The following ABCB11 variants were observed in gnomAD, a reference collection of about 807,000 sequenced individuals.
The protein encoded by ABCB11 is ATP binding cassette subfamily B member 11.
ABCB11 carries 95 observed loss-of-function variants against 148.0 expected under a neutral mutation model. The observed-to-expected ratio is 0.64, with a 90% CI of 0.54 to 0.76. The LOEUF is 0.76. ABCB11 is among the 30% of genes least tolerant of loss of function. The probability of loss-of-function intolerance (pLI) is 0.00; values close to 1 mark genes in which losing one functional copy is unlikely to be tolerated. For synonymous variants in ABCB11, 591 were observed against 555.4 expected (o/e 1.06, Z -0.90); for missense variants, 1,523 against 1,617.8 (o/e 0.94, Z 1.01).
At chr2:168,956,111 C>T (rs1007034674) in intron 19 of ABCB11, among the ~76,000 whole-genome samples, 3 of 151,648 alleles carry the variant, frequency 2.0e-5, no homozygotes, top group African/African-American at 7.3e-5. Flanking sequence ...GAAGGGGAAG[C>T]AAGGCATGTC....
chr2:168,981,771 C>A (rs930814732), intron 10 of ABCB11, among the ~76,000 whole-genome samples: 1 of 152,100 alleles, frequency 6.6e-6, no homozygotes. Flanking sequence ...GCTTTTCAGG[C>A]CATATGGGCT....
Position 169,027,231 on chromosome 2 carries a change from T to C in ABCB11, c.-28+3994A>G, listed in dbSNP as rs1339070251. 2.0e-5 allele frequency among the ~76,000 whole-genome samples: 3 copies of C among 152,154 alleles called. No homozygotes were observed. The East Asian group carries it at 5.8e-4, about 29-fold the overall frequency. ...CAGAAAAATGTATTTTCCAATAAAC[T>C]TAAGGGAATCTAAGAGTAAAAAGCA... On this transcript the variant is annotated intron_variant, in intron 1 of 27. Transcript: ENST00000650372.
chr2:168,927,336 T>A lies in ABCB11; in HGVS notation c.3438A>T (p.Lys1146Asn). The A allele has an allele frequency of 6.2e-7, 1 of 1,613,824 alleles. No homozygotes were observed. Among genetic ancestry groups the A allele is most frequent in the East Asian group, 2.2e-5 (1 of 44,880 alleles). ...TTGAGCGGAGGAACTGGACATTTACTTTTTTGCTGTCATGACCATCTATCA... is the reference window on the plus strand; with the variant it reads ...TTGAGCGGAGGAACTGGACATTTACATTTTTGCTGTCATGACCATCTATCA... ...KVMIDGHDSK[K>N]VNVQFLRSNI... is the part of the protein sequence containing the mutation. Residue 1146 changes from lysine to asparagine, a missense_variant, in exon 26 of 28, where the codon AAA becomes AAT. By Grantham distance (94) the Lys-to-Asn change is moderately conservative. Transcript: ENST00000650372.
intron 19 of ABCB11, among the ~76,000 whole-genome samples, chr2:168,957,747 A>T (rs180828854): frequency 2.0e-5 from 3 of 151,746 alleles, no homozygotes; most frequent in African/African-American, 7.2e-5. Context: ...TTATAGGTAC[A>T]ATGACTGTCT....
At chr2:169,000,529 C>T (rs1232979359) in intron 5 of ABCB11, among the ~76,000 whole-genome samples, 2 of 152,064 alleles carry the variant, frequency 1.3e-5, no homozygotes, top group Non-Finnish European at 2.9e-5. Flanking sequence ...TGATAAAAAG[C>T]TTATCTTTCC....
rs150268006 is a variant in ABCB11 at position 168,945,006 on chromosome 2, AAAAT to A, written c.2344-49_2344-46del. 5.1e-3 allele frequency: 6,513 copies of A among 1,276,320 alleles called. 243 individuals are homozygous for A. In the African/African-American group the frequency reaches 0.086, roughly 17 times the overall value. 79.1% of individuals were successfully genotyped at this position (1,276,320 alleles called of 1,614,324 possible). ...AGAAAGTAACTTTATTATAAATAGA[AAAAT>A]AAATCTATTTACATGTTTAAAATGA... On this transcript the variant is annotated intron_variant, in intron 19 of 27. Coordinates refer to ENST00000650372, the MANE Select transcript of ABCB11 (RefSeq NM_003742.4).
At chr2:168,920,611 A>T (rs1264576605), downstream of ABCB11, among the ~76,000 whole-genome samples, 1 of 151,778 alleles carries the variant, frequency 6.6e-6, no homozygotes, top group East Asian at 1.9e-4. Context: ...CACAACACAC[A>T]TTATGAAAAC....
intron 3 of ABCB11, among the ~76,000 whole-genome samples, chr2:169,016,114 C>A: frequency 6.6e-6 from 1 of 152,146 alleles, no homozygotes; most frequent in East Asian, 1.9e-4. Context: ...TACATCCACA[C>A]CCATTTTTTA....
intron 21 of ABCB11, among the ~76,000 whole-genome samples, chr2:168,943,038 A>G (rs1055634204): frequency 6.6e-6 from 1 of 151,980 alleles, no homozygotes; most frequent in Non-Finnish European, 1.5e-5. Flanking sequence ...TTTTTAAAAA[A>G]CAACAAAAGT....
At chr2:168,917,700 A>G (rs1690965823), downstream of ABCB11, among the ~76,000 whole-genome samples, 1 of 152,238 alleles carries the variant, frequency 6.6e-6, no homozygotes, top group Admixed American at 6.5e-5. Context: ...TTCTGAGTAC[A>G]GTGTAAGGAC....
intron 19 of ABCB11, among the ~76,000 whole-genome samples, chr2:168,956,511 T>C (rs1198243456): frequency 6.6e-6 from 1 of 151,688 alleles, no homozygotes; most frequent in Non-Finnish European, 1.5e-5. Context: ...GCTTTGATTT[T>C]GGGTTCATGC....
At chr2:168,953,141 G>A (rs1692641624) in intron 19 of ABCB11, among the ~76,000 whole-genome samples, 1 of 151,536 alleles carries the variant, frequency 6.6e-6, no homozygotes, top group Admixed American at 6.6e-5. Flanking sequence ...GATCTATCTT[G>A]CAAAATGTTC....
intron 2 of ABCB11, 30 bp downstream of exon 2, chr2:169,018,020 A>G: frequency 6.3e-7 from 1 of 1,576,924 alleles, no homozygotes; most frequent in Non-Finnish European, 8.7e-7. Context: ...CTCCTTGTAC[A>G]AGATGCAGTG....
intron 7 of ABCB11, among the ~76,000 whole-genome samples, chr2:168,994,426 A>G (rs1273673003): frequency 6.6e-6 from 1 of 152,112 alleles, no homozygotes; most frequent in Non-Finnish European, 1.5e-5. Flanking sequence ...GAGCCAGACT[A>G]GGAATTTGAA....
chr2:169,005,346 G>T (rs1297477503), intron 5 of ABCB11, among the ~76,000 whole-genome samples: 1 of 152,062 alleles, frequency 6.6e-6, no homozygotes, highest in Non-Finnish European at 1.5e-5. Context: ...TCTGAGCTCA[G>T]CCTCTCCTTG....
At chr2:168,989,085 C>T (rs1573946082) in intron 9 of ABCB11, among the ~76,000 whole-genome samples, 2 of 152,186 alleles carry the variant, frequency 1.3e-5, no homozygotes, top group South Asian at 4.1e-4. Context: ...TAAATTGCCT[C>T]TTCACTCTGT....
At position 169,020,246 on chromosome 2, in the gene ABCB11, AAT is replaced by A. The variant is rs1257812258; in HGVS notation, c.-27-2096_-27-2095del. Among the ~76,000 whole-genome samples the A allele has an allele frequency of 3.9e-5, 6 of 152,164 alleles. No individual in the cohort carries two copies. The South Asian group carries it at 8.3e-4, about 21-fold the overall frequency. On this transcript the variant is annotated intron_variant, in intron 1 of 27. Coordinates refer to ENST00000650372, the MANE Select transcript of ABCB11 (RefSeq NM_003742.4). ...ATACATATTTATACAACTATAATTA[AAT>A]ATATGTTTGATTAAACCAAAGGAAA... is the stretch of plus-strand genomic sequence containing the variant.
intron 8 of ABCB11, among the ~76,000 whole-genome samples, chr2:168,992,702 T>C (rs1433318629): frequency 6.6e-6 from 1 of 152,106 alleles, no homozygotes; most frequent in East Asian, 1.9e-4. Context: ...GGATTTTTCC[T>C]GAGTCACACA....
chr2:168,975,641 A>T (rs866821498), intron 12 of ABCB11, among the ~76,000 whole-genome samples: 1 of 29,340 alleles, frequency 3.4e-5, no homozygotes, highest in Non-Finnish European at 7.9e-5. Flanking sequence ...ATTTACATAT[A>T]TATGTATTAT....
Sources: allele counts gnomAD v4.1 joint callset (sites outside exome capture counted in the v4.1 genomes callset), GRCh38; gene constraint gnomAD v4.1.1; transcripts MANE v1.5; gene names NCBI Gene and HGNC (gene_info 2026-07-23, HGNC 2026-07-21).